Variants in SRBD1 observed in about 807,000 individuals in gnomAD.
SRBD1 encodes S1 RNA binding domain 1, also known as S1 RNA-binding domain-containing protein 1.
Under a neutral mutation model 115.3 loss-of-function variants are expected in SRBD1, and 88 were observed. The observed-to-expected ratio is 0.76, with a 90% CI of 0.64 to 0.91. The LOEUF (loss-of-function observed/expected upper bound fraction) is 0.91, where lower values mean the gene tolerates loss of function less well. Ranked by LOEUF, SRBD1 falls within the 40% of genes least tolerant of loss-of-function variation. The pLI is 0.00. For missense variants in SRBD1, 1,385 were observed against 1,177.4 expected (o/e 1.18, Z -2.58); for synonymous variants, 509 against 407.7 (o/e 1.25, Z -2.99).
At position 45,475,423 on chromosome 2, in the gene SRBD1, C is replaced by G. The variant is rs550259562; in HGVS notation, c.2049+1570G>C. Among the ~76,000 whole-genome samples, 19 of 152,284 alleles carry G rather than the reference C, an allele frequency of 1.2e-4. 1 individual carries two copies. Among genetic ancestry groups the G allele is most frequent in the East Asian group, 3.9e-4 (2 of 5,182 alleles). ...AATATAAATCAGATTGTGCCACCCC[C>G]CCTTGCTTAAACCTCTTCTATTACT... On this transcript the variant is annotated intron_variant, in intron 16 of 20. Coordinates refer to ENST00000263736, the MANE Select transcript of SRBD1 (RefSeq NM_018079.5).
At chr2:45,470,965 T>C (rs189387337) in intron 16 of SRBD1, among the ~76,000 whole-genome samples, 122 of 152,104 alleles carry the variant, frequency 8.0e-4, no homozygotes, top group Middle Eastern at 3.4e-3. Context: ...TTATAGCTTC[T>C]ATTATTTCAT....
In SRBD1 at chr2:45,413,289, G is replaced by C. The variant is rs764068432; in HGVS notation, c.2338C>G (p.Gln780Glu). ...QDYIRTFCSQ[Q>E]TETSGQIQGV... Reference sequence around the variant, plus strand: ...TGAATTTGGCCTGAAGTTTCAGTTTGCTGACTATATAAAACCAGAAAAAAC... The same window carrying C: ...TGAATTTGGCCTGAAGTTTCAGTTTCCTGACTATATAAAACCAGAAAAAAC... Residue 780 changes from glutamine (Q) to glutamate (E), a missense_variant, in exon 19 of 21, where the codon CAA becomes GAA. Gln to Glu is a conservative substitution (Grantham distance 29, BLOSUM62 2). Transcript: ENST00000263736. The C allele has an allele frequency of 5.2e-5, 84 of 1,612,074 alleles. No individual in the cohort carries two copies. The highest frequency in any genetic ancestry group is 6.8e-5 in the Non-Finnish European group (80 of 1,179,534).
At chr2:45,491,617 G>C (rs879855046) in intron 14 of SRBD1, among the ~76,000 whole-genome samples, 4 of 152,164 alleles carry the variant, frequency 2.6e-5, no homozygotes, top group East Asian at 3.9e-4. Context: ...CATTTTACCA[G>C]ATCTAAAAGT....
chr2:45,449,716 G>T (rs2103737983), intron 16 of SRBD1, among the ~76,000 whole-genome samples: 1 of 152,226 alleles, frequency 6.6e-6, no homozygotes. Context: ...TTCTCAGAGG[G>T]CATACTGTGT....
intron 19 of SRBD1, among the ~76,000 whole-genome samples, chr2:45,411,348 AATAG>A (rs1572606733): frequency 6.6e-6 from 1 of 152,338 alleles, no homozygotes; most frequent in East Asian, 1.9e-4. Context: ...TTAACAGGAA[AATAG>A]ATAAGCTGTG....
intron 16 of SRBD1, among the ~76,000 whole-genome samples, chr2:45,438,697 G>C (rs1216887941): frequency 1.3e-5 from 2 of 152,128 alleles, no homozygotes; most frequent in East Asian, 3.8e-4. Flanking sequence ...AAAAGAAGGA[G>C]AGGCGAGGAT....
chr2:45,405,671 G>C (rs1020280673), intron 19 of SRBD1, among the ~76,000 whole-genome samples: 7 of 152,116 alleles, frequency 4.6e-5, no homozygotes, highest in South Asian at 2.1e-4. Context: ...TACAGGGCCA[G>C]AGGAGAAAGA....
chr2:45,393,123 C>G lies in SRBD1; in HGVS notation c.2520G>C (p.Leu840Phe), dbSNP rs1451910183. ...CATACAGTGTCCCTCCAATGGATGA[C>G]AAAAACCTGCAGTGGAAAAAATAAA... ...PESYDIAMRF[L>F]SSIGGTLYEV... Residue 840 changes from leucine (L) to phenylalanine (F), a missense_variant, in exon 20 of 21, where the codon TTG becomes TTC. Coordinates refer to ENST00000263736, the MANE Select transcript of SRBD1 (RefSeq NM_018079.5). 1 of 1,599,394 alleles carries G rather than the reference C, an allele frequency of 6.3e-7. No individual in the cohort carries two copies. The highest frequency in any genetic ancestry group is 1.3e-5 in the African/African-American group (1 of 74,098).
intron 19 of SRBD1, among the ~76,000 whole-genome samples, chr2:45,395,365 T>G (rs1032349326): frequency 3.3e-5 from 5 of 152,072 alleles, no homozygotes; most frequent in African/African-American, 1.2e-4. Context: ...CACATGTGTA[T>G]GTGTGTGTGT....
chr2:45,571,551 G>A (rs1210578216), intron 9 of SRBD1, among the ~76,000 whole-genome samples: 1 of 94,760 alleles, frequency 1.1e-5, no homozygotes, highest in Non-Finnish European at 2.1e-5. Flanking sequence ...AACTGTCCAT[G>A]AGGAAGCTTA....
At position 45,608,459 on chromosome 2, in the gene SRBD1, T is replaced by A. The variant is rs140177045; in HGVS notation, c.-1+2760A>T. Among the ~76,000 whole-genome samples, 55 of 152,304 alleles carry A rather than the reference T, an allele frequency of 3.6e-4. 1 individual carries two copies. The East Asian group carries it at 9.1e-3, about 25-fold the overall frequency. ...CCCCCAGGAGTATGTATTCTCCAGT[T>A]TAAACACCAATATTCTTGAGGCCTG... On this transcript the variant is annotated intron_variant, in intron 1 of 20. Transcript: ENST00000263736.
intron 10 of SRBD1, among the ~76,000 whole-genome samples, chr2:45,558,207 G>A (rs762576331): frequency 1.3e-5 from 2 of 152,164 alleles, no homozygotes; most frequent in Non-Finnish European, 2.9e-5. Context: ...GTGCATGCCT[G>A]CAGTCCCAGC....
intron 14 of SRBD1, among the ~76,000 whole-genome samples, chr2:45,532,763 T>C (rs1671651830): frequency 6.7e-6 from 1 of 148,502 alleles, no homozygotes; most frequent in Admixed American, 6.6e-5. Context: ...TACAAAGATT[T>C]AGCCACATAA....
At position 45,540,160 on chromosome 2, in the gene SRBD1, G is replaced by A. The variant is rs548474923; in HGVS notation, c.1874+6572C>T. On this transcript the variant is annotated intron_variant, in intron 14 of 20. Coordinates refer to ENST00000263736, the MANE Select transcript of SRBD1 (RefSeq NM_018079.5). ...GTTCAAGACCAGCCTGACCAACACA[G>A]TGAAACCCTGTCTCTACTAAAAATA... Among the ~76,000 whole-genome samples, 4 of 152,172 alleles carry A rather than the reference G, an allele frequency of 2.6e-5. No homozygotes were observed. In the South Asian group the frequency reaches 8.3e-4, roughly 32 times the overall value.
At chr2:45,564,168 A>T (rs564566069) in intron 9 of SRBD1, among the ~76,000 whole-genome samples, 3 of 152,336 alleles carry the variant, frequency 2.0e-5, no homozygotes, top group South Asian at 2.1e-4. Flanking sequence ...CTAACACATT[A>T]TATCAATAGA....
At chr2:45,495,510 T>C (rs1670428160) in intron 14 of SRBD1, among the ~76,000 whole-genome samples, 1 of 152,032 alleles carries the variant, frequency 6.6e-6, no homozygotes, top group African/African-American at 2.4e-5. Context: ...CGCATTCTGC[T>C]TTTCTCTTTC....
At chr2:45,541,936 CCA>C (rs1404135706) in intron 14 of SRBD1, among the ~76,000 whole-genome samples, 1 of 152,242 alleles carries the variant, frequency 6.6e-6, no homozygotes, top group Non-Finnish European at 1.5e-5. Flanking sequence ...ACACTCCCGG[CCA>C]CAGACTCCAC....
At position 45,551,286 on chromosome 2, in the gene SRBD1, T is replaced by G. The variant is rs758801846; in HGVS notation, c.1518-4A>C. ...TGCATCTGATGTTAGTTTGGCTCTT[T>G]AGAAATAGAAGAAAAGAAAAAGTTT... On this transcript the variant is annotated splice_polypyrimidine_tract_variant and splice_region_variant and intron_variant, in intron 11 of 20. Coordinates refer to ENST00000263736, the MANE Select transcript of SRBD1 (RefSeq NM_018079.5). The G allele has an allele frequency of 6.3e-7, 1 of 1,583,794 alleles. No homozygotes were observed. Among genetic ancestry groups the G allele is most frequent in the African/African-American group, 1.4e-5 (1 of 72,876 alleles).
chr2:45,481,802 A>G (rs1011069529), intron 15 of SRBD1, among the ~76,000 whole-genome samples: 7 of 152,206 alleles, frequency 4.6e-5, no homozygotes, highest in African/African-American at 1.7e-4. Context: ...GTGCTGATAC[A>G]TGCTACAGCA....
Sources: gnomAD v4.1 joint callset for allele counts (sites outside exome capture counted in the v4.1 genomes callset) on GRCh38, gnomAD v4.1.1 for gene constraint, MANE v1.5 for transcripts, NCBI Gene and HGNC (gene_info 2026-07-23, HGNC 2026-07-21) for gene names.